The following ZNG1B variants were observed in gnomAD, a reference collection of about 807,000 sequenced individuals.
The protein encoded by ZNG1B is Zn regulated GTPase metalloprotein activator 1B.
chr2:113,483,295 G>A, the ZNG1B span, among the ~76,000 whole-genome samples: 1 of 151,352 alleles, frequency 6.6e-6, no homozygotes, highest in Admixed American at 6.6e-5. Flanking sequence ...ATAGAGCCTC[G>A]AATGAACCTC....
the ZNG1B span, among the ~76,000 whole-genome samples, chr2:113,450,731 T>A: frequency 2.0e-5 from 3 of 147,698 alleles, no homozygotes; most frequent in African/African-American, 7.6e-5. Context: ...GTAATACATA[T>A]GCATACATGT....
chr2:113,466,553 G>A, the ZNG1B span: 16 of 931,070 alleles, frequency 1.7e-5, no homozygotes, highest in African/African-American at 4.3e-5. Flanking sequence ...AAAATCTTCC[G>A]TGAATTCTTC....
chr2:113,437,816 C>T, the ZNG1B span: 19 of 1,606,520 alleles, frequency 1.2e-5, no homozygotes, highest in East Asian at 2.0e-4. Flanking sequence ...GGCTGCGGTA[C>T]GGCGTGTTGG....
At chr2:113,461,689 TTA>T in the ZNG1B span, among the ~76,000 whole-genome samples, 2 of 151,864 alleles carry the variant, frequency 1.3e-5, no homozygotes, top group African/African-American at 2.4e-5. Context: ...ACTGGATTCT[TTA>T]CAGAGATAAT....
the ZNG1B span, chr2:113,482,233 AG>A: frequency 6.8e-7 from 1 of 1,464,044 alleles, no homozygotes; most frequent in African/African-American, 1.4e-5. Flanking sequence ...GATCAGGTAA[AG>A]AAAAAAAATC....
chr2:113,450,995 T>A, the ZNG1B span, among the ~76,000 whole-genome samples: 192 of 151,632 alleles, frequency 1.3e-3, no homozygotes, highest in Admixed American at 5.5e-3. Context: ...ATAAAATTCC[T>A]TTGCCTTGTA....
chr2:113,473,037 C>T, the ZNG1B span, among the ~76,000 whole-genome samples: 1 of 150,536 alleles, frequency 6.6e-6, no homozygotes, highest in Non-Finnish European at 1.5e-5. Context: ...TCACTGGTAG[C>T]TTGATGGGGA....
At chr2:113,485,299 T>G in the ZNG1B span, among the ~76,000 whole-genome samples, 3 of 134,000 alleles carry the variant, frequency 2.2e-5, no homozygotes, top group Non-Finnish European at 4.7e-5. Context: ...GAGTTGGTAC[T>G]GGAATCCTGG....
At chr2:113,451,815 C>T in the ZNG1B span, among the ~76,000 whole-genome samples, 4 of 151,134 alleles carry the variant, frequency 2.6e-5, no homozygotes, top group South Asian at 8.4e-4. Flanking sequence ...CAAATATTAA[C>T]AGTAGGATTT....
the ZNG1B span, chr2:113,465,925 G>A: frequency 1.3e-5 from 13 of 985,032 alleles, no homozygotes; most frequent in Non-Finnish European, 1.4e-5. Flanking sequence ...GTCTGCTATG[G>A]CAGAGATTAG....
At chr2:113,463,334 C>T in the ZNG1B span, among the ~76,000 whole-genome samples, 299 of 152,088 alleles carry the variant, frequency 2.0e-3, 1 homozygote, top group African/African-American at 7.0e-3. Context: ...ATGCTTTGAG[C>T]GTGATGGCTC....
At chr2:113,449,246 A>G in the ZNG1B span, among the ~76,000 whole-genome samples, 2 of 152,048 alleles carry the variant, frequency 1.3e-5, no homozygotes, top group Admixed American at 6.6e-5. Context: ...AGGCTGTTTC[A>G]TTATCATTTG....
chr2:113,458,023 A>G, the ZNG1B span, among the ~76,000 whole-genome samples: 1 of 147,880 alleles, frequency 6.8e-6, no homozygotes, highest in Non-Finnish European at 1.5e-5. Flanking sequence ...TTTTTGATAT[A>G]TAAGCAAAAG....
chr2:113,456,696 TAC>T, the ZNG1B span, among the ~76,000 whole-genome samples: 2 of 152,096 alleles, frequency 1.3e-5, no homozygotes, highest in Non-Finnish European at 2.9e-5. Flanking sequence ...TCAATATACC[TAC>T]ACAAAACTGA....
chr2:113,474,746 A>T, the ZNG1B span, among the ~76,000 whole-genome samples: 1 of 151,072 alleles, frequency 6.6e-6, no homozygotes, highest in Non-Finnish European at 1.5e-5. Flanking sequence ...TTTGTTATGT[A>T]CCCAGTAGTC....
the ZNG1B span, chr2:113,439,149 T>G: frequency 1.4e-6 from 2 of 1,394,354 alleles, no homozygotes; most frequent in Non-Finnish European, 9.8e-7. Context: ...GAAAATGATC[T>G]GAAGCTCAGG....
At chr2:113,486,956 G>A in the ZNG1B span, among the ~76,000 whole-genome samples, 3 of 146,702 alleles carry the variant, frequency 2.0e-5, no homozygotes, top group Non-Finnish European at 1.5e-5. Context: ...TTTAGGTATT[G>A]TAGTGATTCC....
the ZNG1B span, among the ~76,000 whole-genome samples, chr2:113,446,815 T>TAC: frequency 4.1e-5 from 6 of 146,620 alleles, no homozygotes; most frequent in South Asian, 2.2e-4. Context: ...CACACATTCA[T>TAC]ACACACACAC....
At chr2:113,471,882 T>G in the ZNG1B span, among the ~76,000 whole-genome samples, 1 of 151,958 alleles carries the variant, frequency 6.6e-6, no homozygotes. Flanking sequence ...CAGTCTATCA[T>G]TGTTGGACAT....
Sources: allele counts gnomAD v4.1 joint callset (sites outside exome capture counted in the v4.1 genomes callset), GRCh38; gene constraint gnomAD v4.1.1; transcripts MANE v1.5; gene names NCBI Gene and HGNC (gene_info 2026-07-23, HGNC 2026-07-21).